SCHIP1: variants seen among roughly 807,000 people sequenced by gnomAD.
SCHIP1 encodes the protein schwannomin interacting protein 1, also known as schwannomin-interacting protein 1.
Under a neutral mutation model 29.7 loss-of-function variants are expected in SCHIP1, and 8 were observed. The ratio of observed to expected loss-of-function variants is 0.27; its 90% confidence interval spans 0.16 to 0.49. The LOEUF (loss-of-function observed/expected upper bound fraction) is 0.49. Ranked by LOEUF, SCHIP1 falls within the 20% of genes least tolerant of loss-of-function variation. The probability of loss-of-function intolerance (pLI) is 0.99; values close to 1 mark genes in which losing one functional copy is unlikely to be tolerated. For missense variants in SCHIP1, 193 were observed against 294.6 expected (o/e 0.66, Z 2.52); for synonymous variants, 76 against 94.9 (o/e 0.80, Z 1.16).
the SCHIP1 span, among the ~76,000 whole-genome samples, chr3:159,736,955 C>CT: frequency 1.3e-5 from 2 of 151,994 alleles, no homozygotes; most frequent in African/African-American, 2.4e-5. Context: ...AGGATGGTCT[C>CT]TATCTCCTGA....
chr3:159,837,654 C>T (rs1278611330), upstream of SCHIP1, among the ~76,000 whole-genome samples: 1 of 151,420 alleles, frequency 6.6e-6, no homozygotes, highest in East Asian at 1.9e-4. Flanking sequence ...ACCTGGGAGG[C>T]AGAGGTTGCA....
At chr3:159,776,964 A>G in the SCHIP1 span, among the ~76,000 whole-genome samples, 2 of 152,130 alleles carry the variant, frequency 1.3e-5, no homozygotes, top group African/African-American at 2.4e-5. Context: ...CCTGGAAGGT[A>G]TGTCCCAGGG....
At chr3:159,469,858 C>A in the SCHIP1 span, among the ~76,000 whole-genome samples, 32 of 152,206 alleles carry the variant, frequency 2.1e-4, no homozygotes, top group African/African-American at 5.8e-4. Flanking sequence ...AAAGATGTAT[C>A]ACAAAAAGTC....
At chr3:159,596,637 A>T in the SCHIP1 span, among the ~76,000 whole-genome samples, 2 of 152,210 alleles carry the variant, frequency 1.3e-5, no homozygotes, top group African/African-American at 4.8e-5. Flanking sequence ...GGATGAGTTC[A>T]TGTCCTTTGT....
At chr3:159,545,080 A>G in the SCHIP1 span, among the ~76,000 whole-genome samples, 1 of 152,082 alleles carries the variant, frequency 6.6e-6, no homozygotes, top group Non-Finnish European at 1.5e-5. Flanking sequence ...AGTTGACCCA[A>G]CACCATGAAG....
the SCHIP1 span, chr3:159,275,062 G>A: frequency 1.0e-6 from 1 of 972,938 alleles, no homozygotes; most frequent in African/African-American, 1.8e-5. Flanking sequence ...CATTTTGACA[G>A]TGTATGAAGT....
chr3:159,580,319 G>A, the SCHIP1 span, among the ~76,000 whole-genome samples: 1 of 152,156 alleles, frequency 6.6e-6, no homozygotes, highest in Non-Finnish European at 1.5e-5. Context: ...AATTAAGCAT[G>A]TCTAAGTGCC....
At chr3:159,849,395 A>G (rs74708376) in intron 1 of SCHIP1, among the ~76,000 whole-genome samples, 8,165 of 152,270 alleles carry the variant, frequency 0.054, 346 homozygotes, top group Non-Finnish European at 0.066. Flanking sequence ...GGAGTCTTGC[A>G]GTCTCTAAAT....
chr3:159,765,436 T>A, the SCHIP1 span: 1 of 326,536 alleles, frequency 3.1e-6, no homozygotes, highest in Non-Finnish European at 5.5e-6. Context: ...GGAGACCAGG[T>A]TGTGAGTCAC....
the SCHIP1 span, among the ~76,000 whole-genome samples, chr3:159,473,101 C>T: frequency 6.6e-6 from 1 of 152,122 alleles, no homozygotes; most frequent in Non-Finnish European, 1.5e-5. Flanking sequence ...TGCCCAGATC[C>T]ATATGAAACA....
chr3:159,575,578 G>A, the SCHIP1 span, among the ~76,000 whole-genome samples: 7 of 152,160 alleles, frequency 4.6e-5, no homozygotes, highest in East Asian at 1.9e-4. Context: ...TGGGACTACC[G>A]GTGTATGTCA....
the SCHIP1 span, among the ~76,000 whole-genome samples, chr3:159,292,169 TA>T: frequency 6.6e-6 from 1 of 151,960 alleles, no homozygotes; most frequent in Admixed American, 6.6e-5. Flanking sequence ...GCACTTATTT[TA>T]AAAATAGTTG....
the SCHIP1 span, among the ~76,000 whole-genome samples, chr3:159,552,886 T>C: frequency 2.0e-5 from 3 of 152,222 alleles, no homozygotes; most frequent in Admixed American, 1.3e-4. Flanking sequence ...TTTGATTTTG[T>C]TGGACTTTCA....
chr3:159,532,183 CT>C, the SCHIP1 span, among the ~76,000 whole-genome samples: 3 of 152,096 alleles, frequency 2.0e-5, no homozygotes, highest in African/African-American at 7.2e-5. Context: ...AGATTTCTTT[CT>C]GTAGGCAAGA....
At chr3:159,566,041 T>G in the SCHIP1 span, among the ~76,000 whole-genome samples, 1 of 152,314 alleles carries the variant, frequency 6.6e-6, no homozygotes, top group East Asian at 1.9e-4. Flanking sequence ...TCCAAAGTAA[T>G]ACATGTTCTA....
the SCHIP1 span, among the ~76,000 whole-genome samples, chr3:159,435,976 A>G: frequency 6.6e-6 from 1 of 152,100 alleles, no homozygotes; most frequent in Admixed American, 6.6e-5. Context: ...GAGCCAATTA[A>G]TCCTGTTTGC....
At chr3:159,686,064 A>T in the SCHIP1 span, among the ~76,000 whole-genome samples, 5 of 152,320 alleles carry the variant, frequency 3.3e-5, no homozygotes, top group East Asian at 7.7e-4. Flanking sequence ...CCCAAGGCCC[A>T]CCAAAAGTGG....
At chr3:159,418,525 G>A in the SCHIP1 span, among the ~76,000 whole-genome samples, 1 of 152,296 alleles carries the variant, frequency 6.6e-6, no homozygotes, top group South Asian at 2.1e-4. Flanking sequence ...TTGAAAGAAT[G>A]TTACAGGAAT....
the SCHIP1 span, among the ~76,000 whole-genome samples, chr3:159,526,746 A>G: frequency 6.6e-6 from 1 of 152,186 alleles, no homozygotes; most frequent in Non-Finnish European, 1.5e-5. Flanking sequence ...ACATCTTGCC[A>G]TATCTGAAGG....
Sources: allele counts gnomAD v4.1 joint callset (sites outside exome capture counted in the v4.1 genomes callset), GRCh38; gene constraint gnomAD v4.1.1; transcripts MANE v1.5; gene names NCBI Gene and HGNC (gene_info 2026-07-23, HGNC 2026-07-21).